BOP1: variants seen among roughly 807,000 people sequenced by gnomAD.
BOP1 encodes the protein BOP1 ribosomal biogenesis factor.
In BOP1, 54 loss-of-function variants were observed where a neutral mutation model predicts 82.9. The ratio of observed to expected loss-of-function variants is 0.65; its 90% CI spans 0.52 to 0.82. The LOEUF is 0.82. Among genes scored for constraint, BOP1 ranks in the 40% least tolerant of loss-of-function variants. The pLI, the probability that BOP1 is intolerant of heterozygous loss-of-function variation, is 0.00. For missense variants in BOP1, 1,170 were observed against 1,072.0 expected (o/e 1.09, Z -1.28); for synonymous variants, 566 against 451.1 (o/e 1.25, Z -3.23).
intron 2 of BOP1, among the ~76,000 whole-genome samples, chr8:144,282,282 G>A (rs782381299): frequency 2.0e-5 from 3 of 152,244 alleles, no homozygotes; most frequent in Admixed American, 2.0e-4. Flanking sequence ...CCTCCAGTGG[G>A]ATGGCTCGCA....
intron 2 of BOP1, among the ~76,000 whole-genome samples, chr8:144,278,402 C>T (rs1048355986): frequency 1.3e-5 from 2 of 152,212 alleles, no homozygotes; most frequent in Admixed American, 6.5e-5. Flanking sequence ...TGTCCAAGCG[C>T]ATGAGCCCCC....
chr8:144,274,567 C>T (rs1437654976), intron 3 of BOP1, among the ~76,000 whole-genome samples: 1 of 152,240 alleles, frequency 6.6e-6, no homozygotes, highest in African/African-American at 2.4e-5. Flanking sequence ...TGAGCTCTGC[C>T]GCCCCCTCGA....
At position 144,265,267 on chromosome 8, in the gene BOP1, C is replaced by T. The variant is rs1029195277; in HGVS notation, c.391-196G>A. The T allele has an allele frequency of 4.3e-4, 284 of 658,212 alleles. 1 individual carries two copies. In the Admixed American group the frequency reaches 7.8e-3, roughly 18 times the overall value. The allele number at this position is 658,212 out of a possible 1,614,324, so 40.8% of individuals were successfully genotyped here. The stretch of plus-strand genomic sequence containing the variant: ...TGGCATGGCGGCCACGCTGCCCCCA[C>T]CCCCGCCCTCGGAGGCGCCGGAGCT... On this transcript the variant is annotated intron_variant, in intron 3 of 15. Transcript: ENST00000569669.
chr8:144,276,268 C>G lies in BOP1; in HGVS notation c.346G>C (p.Ala116Pro). 1 of 1,613,624 alleles carries G rather than the reference C, an allele frequency of 6.2e-7. No homozygotes were observed. The highest frequency in any genetic ancestry group is 8.5e-7 in the Non-Finnish European group (1 of 1,179,832). The change falls in exon 3 of 16, where the codon GCC becomes CCC. Residue 116 changes from alanine (A) to proline (P), a missense_variant. By Grantham distance (27) the Ala-to-Pro change is conservative (BLOSUM62 -1). Coordinates refer to ENST00000569669, the MANE Select transcript of BOP1 (RefSeq NM_015201.5). ...TPCPRTEMAS[A>P]RIGDEYAEDS... ...TCCGCATACTCATCCCCAATCCGGG[C>G]GCTCGCCATCTCTGTCCTCGGGCAA... is the stretch of plus-strand genomic sequence containing the variant.
intron 2 of BOP1, among the ~76,000 whole-genome samples, chr8:144,280,303 C>T (rs1845647792): frequency 6.6e-6 from 1 of 152,234 alleles, no homozygotes; most frequent in African/African-American, 2.4e-5. Context: ...ACTTCTCCAC[C>T]ACTGACCAGC....
intron 3 of BOP1, chr8:144,266,611 C>A: frequency 8.4e-7 from 1 of 1,195,156 alleles, no homozygotes; most frequent in South Asian, 1.6e-5. Flanking sequence ...CCCCGCCGGC[C>A]CCATGTCCTT....
intron 3 of BOP1, among the ~76,000 whole-genome samples, chr8:144,275,438 G>A (rs1264364226): frequency 1.4e-5 from 2 of 140,308 alleles, no homozygotes; most frequent in African/African-American, 5.6e-5. Context: ...CACGCCGGCG[G>A]AACCCAGCCC....
intron 3 of BOP1, 185 bp from the exon 4 acceptor site, chr8:144,265,256 C>A: frequency 1.5e-6 from 1 of 689,584 alleles, no homozygotes; most frequent in Non-Finnish European, 2.4e-6. Flanking sequence ...ATGGCGGCCA[C>A]GCTGCCCCCA....
Position 144,264,320 on chromosome 8 carries a change from G to C in BOP1, c.883C>G (p.Arg295Gly). ...GGAGCAGGTACGTGCATCTTGTGGC[G>C]CCCGAGCACGGCGTTGGGGTCCTCC... ...AQEDPNAVLGRHKMHVPAPKL... is the reference protein window; with the variant it reads ...AQEDPNAVLGGHKMHVPAPKL... Residue 295 changes from arginine (R) to glycine (G), a missense_variant, in exon 7 of 16, where the codon CGC (arginine) becomes GGC (glycine). Arg to Gly is a moderately radical substitution (Grantham distance 125). Transcript: ENST00000569669. 1 of 1,610,038 alleles carries C rather than the reference G, an allele frequency of 6.2e-7. No homozygotes were observed. The highest frequency in any genetic ancestry group is 1.1e-5 in the South Asian group (1 of 90,948).
chr8:144,282,819 T>A (rs547202894), intron 2 of BOP1, among the ~76,000 whole-genome samples: 1 of 152,100 alleles, frequency 6.6e-6, no homozygotes, highest in South Asian at 2.1e-4. Flanking sequence ...AGCCAGACCC[T>A]GCTCCTTGAG....
chr8:144,273,145 G>A (rs961799126), intron 3 of BOP1, among the ~76,000 whole-genome samples: 1 of 152,196 alleles, frequency 6.6e-6, no homozygotes, highest in Admixed American at 6.5e-5. Flanking sequence ...GCAAGCCTGA[G>A]TGCGCGGGGC....
intron 2 of BOP1, among the ~76,000 whole-genome samples, chr8:144,279,088 AAGGG>A: frequency 2.5e-5 from 1 of 40,496 alleles, no homozygotes; most frequent in Non-Finnish European, 5.2e-5. Context: ...CATGACCACC[AAGGG>A]CCATGACCGT....
intron 3 of BOP1, chr8:144,267,191 G>C: frequency 8.6e-6 from 13 of 1,506,242 alleles, no homozygotes; most frequent in Non-Finnish European, 1.1e-5. Flanking sequence ...GTGAGCACGG[G>C]CCGTGGGGCG....
intron 3 of BOP1, among the ~76,000 whole-genome samples, chr8:144,275,176 C>T (rs1422778503): frequency 1.1e-4 from 16 of 152,076 alleles, no homozygotes; most frequent in Admixed American, 1.0e-3. Context: ...GCAGGAAGAG[C>T]TCCTTCAGGA....
At chr8:144,265,197 C>G in intron 3 of BOP1, 126 bp from the exon 4 acceptor site, 2 of 1,134,778 alleles carry the variant, frequency 1.8e-6, no homozygotes, top group Non-Finnish European at 2.5e-6. Context: ...GCCCTGAGGT[C>G]ACTGGCCCTG....
At chr8:144,265,863 AGGAACGG>A (rs1845349739) in intron 3 of BOP1, 1 of 152,888 alleles carries the variant, frequency 6.5e-6, no homozygotes, top group Admixed American at 6.5e-5. Flanking sequence ...GGCCCTGGAG[AGGAACGG>A]GGGAAGGAGG....
At chr8:144,268,246 C>A in intron 3 of BOP1, 2 of 1,486,302 alleles carry the variant, frequency 1.3e-6, no homozygotes, top group Non-Finnish European at 1.8e-6. Context: ...GCAAGGCCCA[C>A]CGCAAGCATG....
intron 3 of BOP1, among the ~76,000 whole-genome samples, chr8:144,271,090 G>T (rs929410732): frequency 1.3e-5 from 2 of 151,730 alleles, no homozygotes; most frequent in East Asian, 2.0e-4. Flanking sequence ...CCGGCCGGCC[G>T]GCCGGGGGCA....
At chr8:144,272,171 C>A (rs1266101621) in intron 3 of BOP1, among the ~76,000 whole-genome samples, 1 of 152,126 alleles carries the variant, frequency 6.6e-6, no homozygotes, top group South Asian at 2.1e-4. Context: ...AAACACCCCC[C>A]ACCGACACCC....
Sources: allele counts gnomAD v4.1 joint callset (sites outside exome capture counted in the v4.1 genomes callset), GRCh38; gene constraint gnomAD v4.1.1; transcripts MANE v1.5; gene names NCBI Gene and HGNC (gene_info 2026-07-23, HGNC 2026-07-21).